Variants in NEO1 observed in about 807,000 individuals in gnomAD.
The protein encoded by NEO1 is neogenin 1.
In NEO1, 63 loss-of-function variants were observed where a neutral mutation model predicts 159.7. That is an observed-to-expected ratio of 0.39 (90% CI 0.32 to 0.49). NEO1 has a LOEUF of 0.49. NEO1 is among the 20% of genes least tolerant of loss of function. The pLI is 0.85. For synonymous variants in NEO1, 633 were observed against 662.0 expected, an observed-to-expected ratio of 0.96 and a Z score of 0.67; for missense variants, 1,615 against 1,831.0, an observed-to-expected ratio of 0.88 and a Z score of 2.15.
rs1457309595 is a variant in NEO1 at position 73,278,287 on chromosome 15, G to A, written c.3262+88G>A. 2.6e-6 allele frequency: 3 copies of A among 1,173,308 alleles called. No individual in the cohort carries two copies. The Admixed American group carries it at 5.7e-5, about 22-fold the overall frequency. 72.7% of individuals were successfully genotyped at this position (1,173,308 alleles called of 1,614,324 possible). ...TTGAAATGTCCTTTATAGCTTGTGT[G>A]TGGTGGGTTGTAGCATATTAGCCTG... On this transcript the variant is annotated intron_variant, in intron 22 of 28. Coordinates refer to ENST00000261908, the MANE Select transcript of NEO1 (RefSeq NM_002499.4).
At chr15:73,171,188 G>A (rs935823865) in intron 5 of NEO1, among the ~76,000 whole-genome samples, 1 of 151,888 alleles carries the variant, frequency 6.6e-6, no homozygotes, top group African/African-American at 2.4e-5. Context: ...GGAGTCTGTA[G>A]ATGGAAAAAA....
chr15:73,073,849 T>A (rs1188320981), intron 1 of NEO1, among the ~76,000 whole-genome samples: 1 of 152,146 alleles, frequency 6.6e-6, no homozygotes, highest in Non-Finnish European at 1.5e-5. Flanking sequence ...ATGGGAATAG[T>A]ATTGTTTTCA....
intron 21 of NEO1, among the ~76,000 whole-genome samples, chr15:73,276,448 G>C (rs922129460): frequency 3.3e-5 from 5 of 152,210 alleles, no homozygotes; most frequent in Admixed American, 6.5e-5. Flanking sequence ...CTTTGTCATA[G>C]TGAAAAGCAT....
At chr15:73,106,508 A>C (rs564786755) in intron 1 of NEO1, among the ~76,000 whole-genome samples, 1 of 152,318 alleles carries the variant, frequency 6.6e-6, no homozygotes, top group South Asian at 2.1e-4. Flanking sequence ...AGTCTTCTAA[A>C]TCTGGTGTGT....
At chr15:73,301,172 C>G (rs531269302) in intron 27 of NEO1, 149 bp from the exon 28 acceptor site, 1 of 1,002,046 alleles carries the variant, frequency 1.0e-6, no homozygotes, top group South Asian at 1.7e-5. Flanking sequence ...CCCTCCTTCC[C>G]TCTTATTCCA....
chr15:73,081,073 A>G (rs984389454), intron 1 of NEO1, among the ~76,000 whole-genome samples: 2 of 152,248 alleles, frequency 1.3e-5, no homozygotes, highest in African/African-American at 4.8e-5. Context: ...ATTAGAATAT[A>G]TTGCTGAACA....
At chr15:73,245,906 TTTATTA>T (rs2039769504) in intron 9 of NEO1, among the ~76,000 whole-genome samples, 2 of 152,256 alleles carry the variant, frequency 1.3e-5, no homozygotes, top group South Asian at 4.1e-4. Context: ...TCAGTCTAAT[TTTATTA>T]TTAACAGCAT....
rs67999476 is a variant in NEO1, at chr15:73,152,435, A to C, written c.1015+16408A>C. Among the ~76,000 whole-genome samples, 74 of 152,264 alleles carry C rather than the reference A, an allele frequency of 4.9e-4. 1 individual carries two copies. The East Asian group carries it at 8.5e-3, about 17-fold the overall frequency. ...GATAGCTGAAAACATGGACGCTCCT[A>C]GAGGGTGGTACCCCAGGGAGGACAT... On this transcript the variant is annotated intron_variant, in intron 5 of 28. Coordinates refer to ENST00000261908, the MANE Select transcript of NEO1 (RefSeq NM_002499.4).
chr15:73,282,672 G>A (rs2041780394), intron 22 of NEO1, among the ~76,000 whole-genome samples: 1 of 152,278 alleles, frequency 6.6e-6, no homozygotes, highest in East Asian at 1.9e-4. Flanking sequence ...ATCTGTCTAA[G>A]TATATCTCAA....
intron 7 of NEO1, among the ~76,000 whole-genome samples, chr15:73,212,865 T>C (rs1395357689): frequency 3.9e-5 from 6 of 152,230 alleles, no homozygotes; most frequent in Admixed American, 6.5e-5. Context: ...TGTACTGTTA[T>C]GGGAACCTCC....
At chr15:73,233,225 A>G (rs2039003970) in intron 7 of NEO1, among the ~76,000 whole-genome samples, 1 of 152,198 alleles carries the variant, frequency 6.6e-6, no homozygotes, top group South Asian at 2.1e-4. Context: ...GGGAAAGCTG[A>G]TAGAGAACAC....
At chr15:73,165,827 G>A (rs2034533199) in intron 5 of NEO1, among the ~76,000 whole-genome samples, 1 of 152,196 alleles carries the variant, frequency 6.6e-6, no homozygotes, top group South Asian at 2.1e-4. Context: ...TTTACGTAAG[G>A]TGAGAATTTC....
chr15:73,256,439 G>A (rs570904231), intron 13 of NEO1, among the ~76,000 whole-genome samples: 11 of 152,304 alleles, frequency 7.2e-5, no homozygotes, highest in Non-Finnish European at 7.4e-5. Flanking sequence ...GGCAGAGGCC[G>A]CAGTGAACTG....
intron 9 of NEO1, among the ~76,000 whole-genome samples, chr15:73,245,578 CTT>C (rs1228513120): frequency 7.0e-5 from 10 of 142,472 alleles, no homozygotes; most frequent in Non-Finnish European, 3.1e-5. Flanking sequence ...TCAGTGTATT[CTT>C]TTTTTTTTTT....
At chr15:73,165,401 A>G (rs2034501260) in intron 5 of NEO1, among the ~76,000 whole-genome samples, 1 of 152,160 alleles carries the variant, frequency 6.6e-6, no homozygotes, top group Admixed American at 6.6e-5. Context: ...AAGTAGAGAG[A>G]TGGAGAAAAT....
chr15:73,166,616 G>A (rs1055844598), intron 5 of NEO1, among the ~76,000 whole-genome samples: 6 of 152,160 alleles, frequency 3.9e-5, no homozygotes, highest in Non-Finnish European at 2.9e-5. Flanking sequence ...CTAAAAGGGC[G>A]GGAGATCTTG....
At chr15:73,070,046 A>G (rs1478835653) in intron 1 of NEO1, among the ~76,000 whole-genome samples, 1 of 152,230 alleles carries the variant, frequency 6.6e-6, no homozygotes, top group Non-Finnish European at 1.5e-5. Context: ...TGGCATGGGG[A>G]AAACAAGGTT....
At chr15:73,259,778 C>T (rs116505772) in intron 14 of NEO1, among the ~76,000 whole-genome samples, 277 of 152,240 alleles carry the variant, frequency 1.8e-3, no homozygotes, top group African/African-American at 6.1e-3. Context: ...AACTGTGGCT[C>T]CAAACTTTCA....
At chr15:73,276,462 A>G (rs2041431193) in intron 21 of NEO1, among the ~76,000 whole-genome samples, 1 of 152,234 alleles carries the variant, frequency 6.6e-6, no homozygotes, top group Admixed American at 6.5e-5. Flanking sequence ...AAAGCATATG[A>G]GGAACAACTG....
Sources: allele counts gnomAD v4.1 joint callset (sites outside exome capture counted in the v4.1 genomes callset), GRCh38; gene constraint gnomAD v4.1.1; transcripts MANE v1.5; gene names NCBI Gene and HGNC (gene_info 2026-07-23, HGNC 2026-07-21).